COL15A1: variants seen among roughly 807,000 people sequenced by gnomAD.
The protein encoded by COL15A1 is collagen alpha-1(XV) chain.
In COL15A1, 111 loss-of-function variants were observed where a neutral mutation model predicts 165.9. The observed-to-expected ratio is 0.67, with a 90% CI of 0.57 to 0.78. The LOEUF (loss-of-function observed/expected upper bound fraction) is 0.78. Ranked by LOEUF, COL15A1 falls within the 30% of genes least tolerant of loss-of-function variation. The probability of loss-of-function intolerance (pLI) is 0.00; values close to 1 mark genes in which losing one functional copy is unlikely to be tolerated. For synonymous variants in COL15A1, 659 were observed against 674.8 expected, an observed-to-expected ratio of 0.98 and a Z score of 0.36; for missense variants, 1,745 against 1,789.7, an observed-to-expected ratio of 0.98 and a Z score of 0.45.
Position 99,038,745 on chromosome 9 carries a change from C to T in COL15A1, c.2475+12C>T, listed in dbSNP as rs747633809. 2 of 1,568,738 alleles carry T rather than the reference C, an allele frequency of 1.3e-6. No individual in the cohort carries two copies. Among genetic ancestry groups the T allele is most frequent in the South Asian group, 1.1e-5 (1 of 89,940 alleles). On this transcript the variant is annotated intron_variant, in intron 22 of 41. Coordinates refer to ENST00000375001, the MANE Select transcript of COL15A1 (RefSeq NM_001855.5). ...TGGTGGGGCCTCCGGTTGGTATCTACAGCTGCCCCAGAATGTGGCTTTTAC... is the reference window on the plus strand; with the variant it reads ...TGGTGGGGCCTCCGGTTGGTATCTATAGCTGCCCCAGAATGTGGCTTTTAC...
At chr9:99,018,981 G>C (rs928542315) in intron 11 of COL15A1, among the ~76,000 whole-genome samples, 2 of 152,160 alleles carry the variant, frequency 1.3e-5, no homozygotes, top group Admixed American at 1.3e-4. Flanking sequence ...GGAAGAGAGA[G>C]AGAGAGAGAC....
chr9:98,992,324 C>T (rs1022547322), intron 5 of COL15A1, among the ~76,000 whole-genome samples: 9 of 152,234 alleles, frequency 5.9e-5, no homozygotes, highest in Non-Finnish European at 1.2e-4. Context: ...GGACCCGGCA[C>T]ACCCTCTGCA....
chr9:99,062,385 T>C (rs1014439008), intron 38 of COL15A1, 81 bp downstream of exon 38: 11 of 1,020,504 alleles, frequency 1.1e-5, no homozygotes, highest in Non-Finnish European at 1.7e-5. Context: ...AGCACCAAGC[T>C]CTCCAAACTC....
intron 2 of COL15A1, among the ~76,000 whole-genome samples, chr9:98,946,828 T>G (rs1837591911): frequency 6.6e-6 from 1 of 152,222 alleles, no homozygotes; most frequent in Admixed American, 6.5e-5. Context: ...CCCAAGGGCA[T>G]GTAGCCTTCA....
chr9:99,045,591 C>A (rs766230199), intron 26 of COL15A1, among the ~76,000 whole-genome samples: 2 of 152,204 alleles, frequency 1.3e-5, no homozygotes, highest in Non-Finnish European at 2.9e-5. Flanking sequence ...TGATGCTTCA[C>A]ATAGGTCATC....
chr9:99,050,897 G>C (rs1839576479), intron 30 of COL15A1, among the ~76,000 whole-genome samples: 1 of 152,178 alleles, frequency 6.6e-6, no homozygotes, highest in Non-Finnish European at 1.5e-5. Flanking sequence ...TAAACGTTGA[G>C]GCATCCAAGT....
intron 2 of COL15A1, among the ~76,000 whole-genome samples, chr9:98,970,790 A>G (rs997741980): frequency 6.6e-6 from 1 of 151,908 alleles, no homozygotes; most frequent in African/African-American, 2.4e-5. Flanking sequence ...TGCATGTGTC[A>G]GTGTGTGAGT....
chr9:99,042,171 G>A, intron 24 of COL15A1, 64 bp downstream of exon 24: 1 of 1,086,378 alleles, frequency 9.2e-7, no homozygotes, highest in South Asian at 1.4e-5. Context: ...TTTCAGATTG[G>A]CTGAAAATAG....
At chr9:98,990,416 C>A (rs918919242) in intron 5 of COL15A1, among the ~76,000 whole-genome samples, 4 of 152,210 alleles carry the variant, frequency 2.6e-5, no homozygotes, top group Non-Finnish European at 5.9e-5. Flanking sequence ...GTCCAAGTTG[C>A]CTGCCTACCT....
chr9:99,055,502 C>T, intron 34 of COL15A1, 130 bp downstream of exon 34: 2 of 633,178 alleles, frequency 3.2e-6, no homozygotes, highest in South Asian at 3.8e-5. Context: ...GATTAGCCAG[C>T]TCTTTCCCCA....
At position 99,002,023 on chromosome 9, in the gene COL15A1, G is replaced by A. The variant is rs191573150; in HGVS notation, c.1065+1072G>A. 5.3e-5 allele frequency among the ~76,000 whole-genome samples: 8 copies of A among 152,088 alleles called. No individual in the cohort carries two copies. In the East Asian group the frequency reaches 1.4e-3, roughly 26 times the overall value. On this transcript the variant is annotated intron_variant, in intron 7 of 41. Transcript: ENST00000375001. ...GCTCCCTTTGGAGAGATTTTATCTTGTCTATCTCCAGCAAAACAACTGCAG... is the reference window on the plus strand; with the variant it reads ...GCTCCCTTTGGAGAGATTTTATCTTATCTATCTCCAGCAAAACAACTGCAG...
At chr9:98,975,162 G>A (rs1453508436) in intron 2 of COL15A1, among the ~76,000 whole-genome samples, 1 of 152,246 alleles carries the variant, frequency 6.6e-6, no homozygotes. Context: ...CATATCCGCA[G>A]CGCTCCTTCA....
At chr9:98,991,480 T>A (rs1838428817) in intron 5 of COL15A1, among the ~76,000 whole-genome samples, 1 of 152,146 alleles carries the variant, frequency 6.6e-6, no homozygotes, top group African/African-American at 2.4e-5. Flanking sequence ...CTAGATTAGC[T>A]AGACACAGAG....
At chr9:99,037,211 T>C (rs1839317742) in intron 21 of COL15A1, among the ~76,000 whole-genome samples, 1 of 152,220 alleles carries the variant, frequency 6.6e-6, no homozygotes, top group African/African-American at 2.4e-5. Flanking sequence ...GTACAGCAAG[T>C]GGCCTATTTA....
chr9:98,993,820 G>A (rs1293659129), intron 5 of COL15A1, among the ~76,000 whole-genome samples: 4 of 152,080 alleles, frequency 2.6e-5, no homozygotes, highest in African/African-American at 4.8e-5. Flanking sequence ...GTCCCCGCCC[G>A]CCCCTTGTCT....
chr9:98,972,209 C>T (rs1838069241), intron 2 of COL15A1, among the ~76,000 whole-genome samples: 1 of 152,072 alleles, frequency 6.6e-6, no homozygotes, highest in South Asian at 2.1e-4. Context: ...AGTGGCAGAC[C>T]CAGGACTAAG....
intron 21 of COL15A1, among the ~76,000 whole-genome samples, 183 bp downstream of exon 21, chr9:99,036,579 G>A (rs2119055456): frequency 6.6e-6 from 1 of 152,306 alleles, no homozygotes; most frequent in African/African-American, 2.4e-5. Flanking sequence ...TCTCTCACAT[G>A]GTGCTTCTAG....
intron 9 of COL15A1, among the ~76,000 whole-genome samples, chr9:99,012,283 C>T (rs1300540550): frequency 6.6e-6 from 1 of 152,156 alleles, no homozygotes; most frequent in Non-Finnish European, 1.5e-5. Flanking sequence ...AAAAACACAA[C>T]AAAATGTGTA....
intron 2 of COL15A1, among the ~76,000 whole-genome samples, chr9:98,959,893 C>T (rs1341093185): frequency 1.3e-5 from 2 of 152,206 alleles, no homozygotes; most frequent in Non-Finnish European, 2.9e-5. Context: ...AGTTCAAGGC[C>T]TCTTCTCCTC....
Sources: gnomAD v4.1 joint callset for allele counts (sites outside exome capture counted in the v4.1 genomes callset) on GRCh38, gnomAD v4.1.1 for gene constraint, MANE v1.5 for transcripts, NCBI Gene and HGNC (gene_info 2026-07-23, HGNC 2026-07-21) for gene names.